Variants in RAI1 observed in about 807,000 individuals in gnomAD.
RAI1 encodes retinoic acid-induced protein 1.
A neutral mutation model predicts 123.8 loss-of-function variants in RAI1; 9 were observed. The observed-to-expected ratio is 0.07, with a 90% CI of 0.04 to 0.13. The LOEUF (loss-of-function observed/expected upper bound fraction) is 0.13. Ranked by LOEUF, RAI1 falls within the 10% of genes least tolerant of loss-of-function variation. The pLI is 1.00. For missense variants in RAI1, 2,256 were observed against 2,545.8 expected (o/e 0.89, Z 2.45); for synonymous variants, 1,231 against 1,127.3 (o/e 1.09, Z -1.84).
At chr17:17,765,621 C>T (rs1377116411) in intron 2 of RAI1, among the ~76,000 whole-genome samples, 1 of 152,244 alleles carries the variant, frequency 6.6e-6, no homozygotes, top group African/African-American at 2.4e-5. Context: ...CTCACTTCCA[C>T]CAGGTACACG....
Position 17,784,891 on chromosome 17 carries a change from T to G in RAI1, c.-16-8042T>G, listed in dbSNP as rs371169523. 6.1e-4 allele frequency among the ~76,000 whole-genome samples: 93 copies of G among 152,190 alleles called. 2 individuals are homozygous for G. The South Asian group carries it at 0.017, about 27-fold the overall frequency. On this transcript the variant is annotated intron_variant, in intron 2 of 5. Transcript: ENST00000353383. ...GGGAGGTAACTGCAGGGGTCCCCAT[T>G]TGCTCTTTGCAGCCCCCCAGTCCCA... is the stretch of plus-strand genomic sequence containing the variant.
intron 2 of RAI1, among the ~76,000 whole-genome samples, chr17:17,725,431 G>T (rs1302693563): frequency 6.6e-6 from 1 of 152,156 alleles, no homozygotes; most frequent in African/African-American, 2.4e-5. Context: ...GATGAAGGGG[G>T]AGGAGAGTGG....
rs2032308487 is a variant in RAI1 at position 17,797,549 on chromosome 17, A to G, written c.4601A>G (p.Tyr1534Cys). 1 of 1,613,992 alleles carries G rather than the reference A, an allele frequency of 6.2e-7. No individual in the cohort carries two copies. Among genetic ancestry groups the G allele is most frequent in the Non-Finnish European group, 8.5e-7 (1 of 1,179,954 alleles). The change falls in exon 3 of 6, where the codon TAT becomes TGT. Residue 1534 changes from tyrosine to cysteine, a missense_variant. Physicochemically the swap from Tyr to Cys is radical, Grantham distance 194. Around this residue, in one of 7 missense-constraint regions of RAI1, gnomAD observed 410 missense variants for 374.6 expected, o/e 1.09. Coordinates refer to ENST00000353383, the MANE Select transcript of RAI1 (RefSeq NM_030665.4). ...CCAGGCCACACCAACTACAGCAGCT[A>G]TTCCAAGCGGAAGCGCCTCACTCGG... The part of the protein sequence containing the change: ...KQPGHTNYSS[Y>C]SKRKRLTRGR...
At chr17:17,775,759 G>C (rs193147265) in intron 2 of RAI1, among the ~76,000 whole-genome samples, 82 of 152,254 alleles carry the variant, frequency 5.4e-4, no homozygotes, top group African/African-American at 1.9e-3. Context: ...GGTGGTGGAG[G>C]GGGAGGCAGG....
intron 2 of RAI1, among the ~76,000 whole-genome samples, chr17:17,790,790 G>T (rs547775387): frequency 6.6e-6 from 1 of 152,154 alleles, no homozygotes; most frequent in Non-Finnish European, 1.5e-5. Context: ...ATAAACATGC[G>T]CCTGGGGAGG....
At chr17:17,770,577 G>A (rs750165090) in intron 2 of RAI1, among the ~76,000 whole-genome samples, 1 of 151,654 alleles carries the variant, frequency 6.6e-6, no homozygotes, top group African/African-American at 2.4e-5. Flanking sequence ...CCTGGCCTGC[G>A]AGGCCTGGCC....
chr17:17,788,995 C>T (rs1598083415), intron 2 of RAI1, among the ~76,000 whole-genome samples: 2 of 152,296 alleles, frequency 1.3e-5, no homozygotes, highest in Admixed American at 6.5e-5. Flanking sequence ...TGGACCCACC[C>T]GAGGTGGGTC....
intron 1 of RAI1, among the ~76,000 whole-genome samples, chr17:17,704,904 G>A (rs898767744): frequency 6.6e-6 from 1 of 152,046 alleles, no homozygotes; most frequent in Non-Finnish European, 1.5e-5. Flanking sequence ...GTTATGGCCC[G>A]TGAGGTGTGA....
chr17:17,784,363 C>A (rs1220563281), intron 2 of RAI1, among the ~76,000 whole-genome samples: 1 of 152,254 alleles, frequency 6.6e-6, no homozygotes, highest in Non-Finnish European at 1.5e-5. Context: ...CATTCCACGA[C>A]TCCTCTGGGA....
intron 2 of RAI1, among the ~76,000 whole-genome samples, chr17:17,791,791 G>A (rs1482015419): frequency 6.6e-6 from 1 of 152,198 alleles, no homozygotes; most frequent in Non-Finnish European, 1.5e-5. Flanking sequence ...CAGCGAGTCA[G>A]CTGGAGGAAC....
chr17:17,759,246 A>C (rs2030580470), intron 2 of RAI1: 1 of 152,236 alleles, frequency 6.6e-6, no homozygotes, highest in Non-Finnish European at 1.5e-5. Flanking sequence ...AGAAGCGGGC[A>C]GGGAGCTTGT....
At chr17:17,753,455 C>T (rs556004391) in intron 2 of RAI1, among the ~76,000 whole-genome samples, 50 of 152,338 alleles carry the variant, frequency 3.3e-4, no homozygotes, top group Non-Finnish European at 6.6e-4. Context: ...ATCGGCTTCA[C>T]GGTTATACAT....
rs1478823746 is a variant in RAI1 at position 17,801,707 on chromosome 17, G to A, written c.5566-2049G>A. Among the ~76,000 whole-genome samples the A allele has an allele frequency of 6.6e-6, 1 of 152,224 alleles. No homozygotes were observed. On this transcript the variant is annotated intron_variant, in intron 3 of 5. Coordinates refer to ENST00000353383, the MANE Select transcript of RAI1 (RefSeq NM_030665.4). The surrounding 1 kb of genome is among the most constrained non-coding windows in gnomAD (Gnocchi z 4.1). Reference sequence around the variant, plus strand: ...GGCCCCACTCCCAGCATGGGCAGCGGGGAGGGGAGTGTTCTGACATTTCTC... The same window carrying A: ...GGCCCCACTCCCAGCATGGGCAGCGAGGAGGGGAGTGTTCTGACATTTCTC...
chr17:17,729,698 T>C (rs904417021), intron 2 of RAI1, among the ~76,000 whole-genome samples: 1 of 152,234 alleles, frequency 6.6e-6, no homozygotes, highest in African/African-American at 2.4e-5. Context: ...ATTTGTGCAT[T>C]TGTGCAACTG....
At chr17:17,762,953 TC>T (rs1293597772) in intron 2 of RAI1, among the ~76,000 whole-genome samples, 1 of 151,674 alleles carries the variant, frequency 6.6e-6, no homozygotes, top group Non-Finnish European at 1.5e-5. Context: ...ACCCTCCTGC[TC>T]CAGGTGGTTC....
At chr17:17,711,390 C>T (rs912610173) in intron 1 of RAI1, among the ~76,000 whole-genome samples, 1 of 152,216 alleles carries the variant, frequency 6.6e-6, no homozygotes, top group African/African-American at 2.4e-5. Flanking sequence ...TCAGACCCTC[C>T]TGTGTGTGCC....
chr17:17,730,991 A>C (rs752015787), intron 2 of RAI1, among the ~76,000 whole-genome samples: 2 of 152,206 alleles, frequency 1.3e-5, no homozygotes, highest in African/African-American at 4.8e-5. Flanking sequence ...TCTAGGAAGC[A>C]GGGCAGGCGA....
intron 2 of RAI1, among the ~76,000 whole-genome samples, chr17:17,732,432 TGTG>T (rs1916301534): frequency 6.6e-6 from 1 of 152,140 alleles, no homozygotes; most frequent in African/African-American, 2.4e-5. Context: ...GGGGTCACAC[TGTG>T]GTGACTGGAT....
chr17:17,737,196 C>T (rs1021007849), intron 2 of RAI1, among the ~76,000 whole-genome samples: 3 of 152,130 alleles, frequency 2.0e-5, no homozygotes. Flanking sequence ...GAGGATGGGA[C>T]ATTTCTAGGG....
Sources: gnomAD v4.1 joint callset for allele counts (sites outside exome capture counted in the v4.1 genomes callset) on GRCh38, gnomAD v4.1.1 for gene constraint, gnomAD v4.1.1 regional missense constraint, Gnocchi (gnomAD v3.1) non-coding constraint, MANE v1.5 for transcripts, NCBI Gene and HGNC (gene_info 2026-07-23, HGNC 2026-07-21) for gene names.